DSG2: variants seen among roughly 807,000 people sequenced by gnomAD.
The protein encoded by DSG2 is desmoglein 2.
A neutral mutation model predicts 75.6 loss-of-function variants in DSG2; 45 were observed. The ratio of observed to expected loss-of-function variants is 0.60; its 90% CI spans 0.47 to 0.76. The LOEUF (loss-of-function observed/expected upper bound fraction) is 0.76. Among genes scored for constraint, DSG2 ranks in the 30% least tolerant of loss-of-function variants. DSG2 has a pLI of 0.00. For synonymous variants in DSG2, 429 were observed against 483.9 expected (o/e 0.89, Z 1.49); for missense variants, 1,267 against 1,357.4 (o/e 0.93, Z 1.05).
chr18:31,533,849 G>T (rs2073212065), intron 9 of DSG2, among the ~76,000 whole-genome samples: 1 of 152,130 alleles, frequency 6.6e-6, no homozygotes, highest in Non-Finnish European at 1.5e-5. Context: ...ACTCATTCCT[G>T]TGTGCCTCGA....
In DSG2 at chr18:31,546,636, C is replaced by A. The variant is rs2073313587; in HGVS notation, c.3250C>A (p.Pro1084Thr). The A allele has an allele frequency of 6.2e-7, 1 of 1,614,156 alleles. No homozygotes were observed. The highest frequency in any genetic ancestry group is 2.2e-5 in the East Asian group (1 of 44,878). ...TTVSGAGVPGPLPDFGLEESG... is the reference protein window; with the variant it reads ...TTVSGAGVPGTLPDFGLEESG... ...GGTGTCTGGAGCTGGAGTCCCTGGC[C>A]CTCTGCCAGATTTTGGTTTAGAGGA... Residue 1084 changes from proline to threonine, a missense_variant, in exon 15 of 15, where the codon CCT becomes ACT. Coordinates refer to ENST00000261590, the MANE Select transcript of DSG2 (RefSeq NM_001943.5).
At position 31,521,249 on chromosome 18, in the gene DSG2, A is replaced by T; in HGVS notation, c.523+6A>T. On this transcript the variant is annotated splice_donor_region_variant and intron_variant, in intron 5 of 14. Coordinates refer to ENST00000261590, the MANE Select transcript of DSG2 (RefSeq NM_001943.5). ...TGAAGAGTTGAGTGCAGCACGTAAG[A>T]GTCTTTTTTTTTTTTTTTAATAAAT... The T allele has an allele frequency of 6.3e-7, 1 of 1,592,450 alleles. No homozygotes were observed. Among genetic ancestry groups the T allele is most frequent in the South Asian group, 1.1e-5 (1 of 87,018 alleles).
rs778884735 is a variant in DSG2, at chr18:31,546,690, A to G, written c.3304A>G (p.Thr1102Ala). ...TGGTCATTCTAATTCTACCATAACC[A>G]CATCTTCCACCAGAGTTACCAAGCA... ...ESGHSNSTITTSSTRVTKHST... is the reference protein window; with the variant it reads ...ESGHSNSTITASSTRVTKHST... Residue 1102 changes from threonine (T) to alanine (A), a missense_variant, in exon 15 of 15, where the codon ACA (threonine) becomes GCA (alanine). Coordinates refer to ENST00000261590, the MANE Select transcript of DSG2 (RefSeq NM_001943.5). 6.2e-6 allele frequency: 10 copies of G among 1,614,110 alleles called. No individual in the cohort carries two copies. The highest frequency in any genetic ancestry group is 2.2e-5 in the South Asian group (2 of 91,078).
At chr18:31,516,649 A>T (rs969063541) in intron 1 of DSG2, among the ~76,000 whole-genome samples, 1 of 152,208 alleles carries the variant, frequency 6.6e-6, no homozygotes, top group Non-Finnish European at 1.5e-5. Flanking sequence ...AGGAACCGCC[A>T]CCCCATGGAA....
Position 31,500,036 on chromosome 18 carries a change from TA to T in DSG2, c.45+1763del, listed in dbSNP as rs10625787. Among the ~76,000 whole-genome samples the T allele has an allele frequency of 7.7e-3, 857 of 110,944 alleles. 4 individuals are homozygous for T. The highest frequency in any genetic ancestry group is 0.01 in the Non-Finnish European group (548 of 54,140). 72.8% of individuals were successfully genotyped at this position (110,944 alleles called of 152,430 possible). On this transcript the variant is annotated intron_variant, in intron 1 of 14. Transcript: ENST00000261590. ...TGTGTTTGCAGTTGCAGTTTTTTGG[TA>T]AAAAAAAAAAAAAAAAAAAAAATGG...
Position 31,542,549 on chromosome 18 carries a change from A to C in DSG2, c.2031A>C (p.Gln677His), listed in dbSNP as rs2073274823. 1.2e-6 allele frequency: 2 copies of C among 1,613,914 alleles called. No individual in the cohort carries two copies. The highest frequency in any genetic ancestry group is 1.7e-6 in the Non-Finnish European group (2 of 1,180,008). The change falls in exon 14 of 15, where the codon CAA (glutamine) becomes CAC (histidine). Residue 677 changes from glutamine (Q) to histidine (H), a missense_variant. Physicochemically the swap from Gln to His is conservative, Grantham distance 24. Transcript: ENST00000261590. ...KVVPSFLPVDQGGSLVGRNGV... is the reference protein window; with the variant it reads ...KVVPSFLPVDHGGSLVGRNGV... Reference sequence around the variant, plus strand: ...TGCCATCATTTCTGCCAGTGGATCAAGGGGGCAGTCTAGTAGGAAGAAATG... The same window carrying C: ...TGCCATCATTTCTGCCAGTGGATCACGGGGGCAGTCTAGTAGGAAGAAATG...
chr18:31,525,738 T>C (rs1394804153), intron 8 of DSG2, among the ~76,000 whole-genome samples: 1 of 152,186 alleles, frequency 6.6e-6, no homozygotes, highest in Non-Finnish European at 1.5e-5. Context: ...GATTCTAATA[T>C]TAGTATGAGG....
chr18:31,504,926 C>G (rs1264996995), intron 1 of DSG2, among the ~76,000 whole-genome samples: 1 of 152,212 alleles, frequency 6.6e-6, no homozygotes, highest in African/African-American at 2.4e-5. Context: ...AAGACTCCTA[C>G]TTCTACCTGT....
rs373918593 is a variant in DSG2, at chr18:31,535,381, A to G, written c.1392A>G (p.Thr464=). ...DFESRYVQNG[T]YTVKIVAISE... The stretch of plus-strand genomic sequence containing the variant: ...AATCTAGATATGTTCAAAATGGCAC[A>G]TACACTGTAAAGATTGTGGCCATAT... The change falls in exon 10 of 15, where the codon ACA becomes ACG. Residue 464 remains threonine, a synonymous_variant. Coordinates refer to ENST00000261590, the MANE Select transcript of DSG2 (RefSeq NM_001943.5). 1.6e-5 allele frequency: 25 copies of G among 1,612,286 alleles called. No individual in the cohort carries two copies. The highest frequency in any genetic ancestry group is 2.0e-5 in the Non-Finnish European group (23 of 1,178,670).
At chr18:31,511,529 TAAAC>T (rs1292254447) in intron 1 of DSG2, among the ~76,000 whole-genome samples, 1 of 152,234 alleles carries the variant, frequency 6.6e-6, no homozygotes, top group African/African-American at 2.4e-5. Flanking sequence ...CTCAGTCAAA[TAAAC>T]AGACAGTTCC....
In DSG2 at chr18:31,531,152, T is replaced by G; in HGVS notation, c.1180T>G (p.Ser394Ala). 1 of 1,614,180 alleles carries G rather than the reference T, an allele frequency of 6.2e-7. No homozygotes were observed. The highest frequency in any genetic ancestry group is 8.5e-7 in the Non-Finnish European group (1 of 1,180,016). ...EGIHFKSSVISIYVSESMDRS... is the reference protein window; with the variant it reads ...EGIHFKSSVIAIYVSESMDRS... ...CATTCATTTTAAAAGCAGCGTCATC[T>G]CAATTTATGTTAGCGAGAGCATGGA... Residue 394 changes from serine (S) to alanine (A), a missense_variant, in exon 9 of 15, where the codon TCA (serine) becomes GCA (alanine). By Grantham distance (99) the Ser-to-Ala change is moderately conservative. Transcript: ENST00000261590.
chr18:31,519,675 C>T (rs963108559), intron 2 of DSG2, 128 bp from the exon 3 acceptor site: 3 of 940,908 alleles, frequency 3.2e-6, no homozygotes, highest in Non-Finnish European at 3.3e-6. Flanking sequence ...GACAATGAAG[C>T]CTCATAGGAA....
At chr18:31,501,395 T>A (rs1484203476) in intron 1 of DSG2, among the ~76,000 whole-genome samples, 1 of 152,174 alleles carries the variant, frequency 6.6e-6, no homozygotes, top group Non-Finnish European at 1.5e-5. Flanking sequence ...TTTAGTAGGG[T>A]ATTAGTTTGC....
chr18:31,526,968 A>T (rs1054992270), intron 8 of DSG2, among the ~76,000 whole-genome samples: 6 of 151,952 alleles, frequency 3.9e-5, no homozygotes, highest in East Asian at 1.9e-4. Context: ...ATTTTTTTTT[A>T]AATTTAGTGT....
chr18:31,542,893 G>T, intron 14 of DSG2, 41 bp downstream of exon 14: 1 of 947,154 alleles, frequency 1.1e-6, no homozygotes. Flanking sequence ...GGGGTGGGGG[G>T]AACATTTGTA....
chr18:31,526,073 G>A (rs1175849966), intron 8 of DSG2, among the ~76,000 whole-genome samples: 1 of 152,200 alleles, frequency 6.6e-6, no homozygotes, highest in Non-Finnish European at 1.5e-5. Context: ...GAACCTGGGA[G>A]GCGGAGGTTG....
chr18:31,534,508 A>ACTTTT (rs1555627367), intron 9 of DSG2, among the ~76,000 whole-genome samples: 1 of 112,584 alleles, frequency 8.9e-6, no homozygotes, highest in South Asian at 2.9e-4. Flanking sequence ...ATGATCATTG[A>ACTTTT]TTTTTTTTTT....
intron 1 of DSG2, among the ~76,000 whole-genome samples, chr18:31,515,066 C>G (rs2073086567): frequency 6.6e-6 from 1 of 152,108 alleles, no homozygotes; most frequent in African/African-American, 2.4e-5. Flanking sequence ...AGAGAAGAGT[C>G]TGATGGTTAG....
At chr18:31,505,212 TC>T (rs2073032889) in intron 1 of DSG2, among the ~76,000 whole-genome samples, 1 of 152,186 alleles carries the variant, frequency 6.6e-6, no homozygotes, top group Non-Finnish European at 1.5e-5. Flanking sequence ...TCATTTTTTG[TC>T]CAAATATCTC....
Sources: allele counts gnomAD v4.1 joint callset (sites outside exome capture counted in the v4.1 genomes callset), GRCh38; gene constraint gnomAD v4.1.1; transcripts MANE v1.5; gene names NCBI Gene and HGNC (gene_info 2026-07-23, HGNC 2026-07-21).